RBFOX1: variants seen among roughly 807,000 people sequenced by gnomAD.
RBFOX1 encodes the protein RNA binding fox-1 homolog 1.
RBFOX1 carries 8 observed loss-of-function variants against 57.7 expected under a neutral mutation model. That is an observed-to-expected ratio of 0.14 (90% CI 0.08 to 0.25). The LOEUF is 0.25. Ranked by LOEUF, RBFOX1 falls within the 10% of genes least tolerant of loss-of-function variation. RBFOX1 has a pLI of 1.00. For missense variants in RBFOX1, 611 were observed against 548.5 expected, an observed-to-expected ratio of 1.11 and a Z score of -1.14; for synonymous variants, 326 against 222.4, an observed-to-expected ratio of 1.47 and a Z score of -4.15.
chr16:6,587,368 G>A (rs540098228), intron 2 of RBFOX1, among the ~76,000 whole-genome samples: 3 of 151,976 alleles, frequency 2.0e-5, no homozygotes, highest in East Asian at 1.9e-4. Context: ...AGCAAACTTC[G>A]CCTCCCAGGA....
intron 4 of RBFOX1, among the ~76,000 whole-genome samples, chr16:7,382,214 T>G (rs1485242599): frequency 6.6e-6 from 1 of 152,202 alleles, no homozygotes; most frequent in East Asian, 1.9e-4. Flanking sequence ...TTCAGTAAAC[T>G]AATTAAACTA....
chr16:5,767,731 G>A (rs2053837673), intron 3 of RBFOX1, among the ~76,000 whole-genome samples: 1 of 152,166 alleles, frequency 6.6e-6, no homozygotes, highest in Middle Eastern at 3.2e-3. Context: ...GGGGAATCCT[G>A]TTTGCTGTAA....
chr16:7,033,554 T>G (rs2043381043), intron 3 of RBFOX1, among the ~76,000 whole-genome samples: 1 of 152,094 alleles, frequency 6.6e-6, no homozygotes, highest in African/African-American at 2.4e-5. Flanking sequence ...TGAACGTCCT[T>G]TAAGAGGACA....
rs1365503896 is a variant in RBFOX1 at position 7,640,318 on chromosome 16, G to C, written c.757+9635G>C. Among the ~76,000 whole-genome samples, 3 of 152,174 alleles carry C rather than the reference G, an allele frequency of 2.0e-5. No homozygotes were observed. The East Asian group carries it at 5.8e-4, about 29-fold the overall frequency. On this transcript the variant is annotated intron_variant, in intron 11 of 15. Transcript: ENST00000550418. ...TCTGCAAAGAGGCAGCCACATTTCAGGCAGCTGCCATGCAGCTCTCTGTCA... is the reference window on the plus strand; with the variant it reads ...TCTGCAAAGAGGCAGCCACATTTCACGCAGCTGCCATGCAGCTCTCTGTCA...
chr16:7,322,591 A>G (rs571644613), intron 4 of RBFOX1, among the ~76,000 whole-genome samples: 1 of 152,294 alleles, frequency 6.6e-6, no homozygotes, highest in South Asian at 2.1e-4. Flanking sequence ...ACTCTCTACA[A>G]TGATGGGGAA....
At chr16:6,657,951 C>A (rs763816733) in intron 3 of RBFOX1, among the ~76,000 whole-genome samples, 1 of 152,106 alleles carries the variant, frequency 6.6e-6, no homozygotes, top group African/African-American at 2.4e-5. Context: ...CCTCCCCTGG[C>A]TTTCTGTCTA....
chr16:7,286,013 T>G (rs2095644202), intron 4 of RBFOX1, among the ~76,000 whole-genome samples: 1 of 152,238 alleles, frequency 6.6e-6, no homozygotes, highest in South Asian at 2.1e-4. Context: ...TTTGTTTGTT[T>G]GTCTGCTTGT....
At position 6,833,646 on chromosome 16, in the gene RBFOX1, A is replaced by C. The variant is rs148317043; in HGVS notation, c.-16+178996A>C. On this transcript the variant is annotated intron_variant, in intron 3 of 15. Coordinates refer to ENST00000550418, the MANE Select transcript of RBFOX1 (RefSeq NM_018723.4). ...ACAGGGCAGAGATTTTGTCTTCCTCATGTCTTCCCATTGGCACCTAGAATT... is the reference window on the plus strand; with the variant it reads ...ACAGGGCAGAGATTTTGTCTTCCTCCTGTCTTCCCATTGGCACCTAGAATT... Among the ~76,000 whole-genome samples the C allele has an allele frequency of 5.3e-4, 80 of 152,268 alleles. No individual in the cohort carries two copies. The East Asian group carries it at 0.013, about 25-fold the overall frequency.
At chr16:7,447,928 A>T (rs1331532362) in intron 4 of RBFOX1, among the ~76,000 whole-genome samples, 1 of 152,232 alleles carries the variant, frequency 6.6e-6, no homozygotes, top group African/African-American at 2.4e-5. Context: ...TCTGCGTTAA[A>T]TATGTACATT....
At chr16:7,243,780 G>T (rs1326781695) in intron 4 of RBFOX1, among the ~76,000 whole-genome samples, 1 of 151,988 alleles carries the variant, frequency 6.6e-6, no homozygotes. Context: ...GAACTTTTAG[G>T]CTCAAGTGAT....
At chr16:6,885,036 G>C (rs1171843356) in intron 3 of RBFOX1, among the ~76,000 whole-genome samples, 2 of 152,198 alleles carry the variant, frequency 1.3e-5, no homozygotes, top group Non-Finnish European at 2.9e-5. Flanking sequence ...TAGAAAAGCA[G>C]CAAAACGTTT....
At chr16:6,044,329 G>C (rs990975) in intron 1 of RBFOX1, among the ~76,000 whole-genome samples, 139,789 of 152,120 alleles carry the variant, frequency 0.92, 64,329 homozygotes, top group Admixed American at 0.94. Flanking sequence ...AGCTTTGTGC[G>C]TTCTTAACCA....
chr16:6,859,173 A>ATATG (rs1490561575), intron 3 of RBFOX1, among the ~76,000 whole-genome samples: 1 of 65,342 alleles, frequency 1.5e-5, no homozygotes, highest in Non-Finnish European at 2.9e-5. Context: ...ACGTATATAT[A>ATATG]TGTATATATA....
rs111846929 is a variant in RBFOX1, at chr16:7,445,011, G to GT, written c.28-73125dup. Among the ~76,000 whole-genome samples, 657 of 147,994 alleles carry GT rather than the reference G, an allele frequency of 4.4e-3. 4 individuals are homozygous for GT. The highest frequency in any genetic ancestry group is 7.5e-3 in the Non-Finnish European group (501 of 66,980). ...TGCTGAGCCTGACTTTGAAGTGTTT[G>GT]TTTTTTTTTTTCTTCTTTTTTTCTT... On this transcript the variant is annotated intron_variant, in intron 4 of 15. Transcript: ENST00000550418.
chr16:6,558,889 G>C (rs1343527296), intron 2 of RBFOX1, among the ~76,000 whole-genome samples: 2 of 149,354 alleles, frequency 1.3e-5, no homozygotes, highest in Non-Finnish European at 2.9e-5. Flanking sequence ...TGAGCATTCT[G>C]CTCCCTCTGT....
chr16:5,595,219 T>G (rs1346308696), intron 2 of RBFOX1, among the ~76,000 whole-genome samples: 5 of 152,192 alleles, frequency 3.3e-5, no homozygotes, highest in Non-Finnish European at 7.3e-5. Flanking sequence ...GCAGTTGTTA[T>G]GCAAAGAATA....
intron 10 of RBFOX1, chr16:7,615,004 C>T (rs971713693): frequency 1.3e-5 from 2 of 149,220 alleles, no homozygotes; most frequent in Non-Finnish European, 3.0e-5. Context: ...GAGGGCATGT[C>T]CTCAGTGTCT....
chr16:7,121,411 A>G (rs1419816487), intron 4 of RBFOX1, among the ~76,000 whole-genome samples: 1 of 152,182 alleles, frequency 6.6e-6, no homozygotes, highest in Admixed American at 6.6e-5. Context: ...TATCAATCAT[A>G]TATCTATATA....
At chr16:6,973,783 T>G (rs2086137266) in intron 3 of RBFOX1, among the ~76,000 whole-genome samples, 1 of 152,188 alleles carries the variant, frequency 6.6e-6, no homozygotes, top group Non-Finnish European at 1.5e-5. Context: ...TTTTAATTTT[T>G]ATTTTTTTAA....
Sources: allele counts gnomAD v4.1 joint callset (sites outside exome capture counted in the v4.1 genomes callset), GRCh38; gene constraint gnomAD v4.1.1; transcripts MANE v1.5; gene names NCBI Gene and HGNC (gene_info 2026-07-23, HGNC 2026-07-21).